Variants in GPC6 observed in about 807,000 individuals in gnomAD.
The protein encoded by GPC6 is glypican 6, also known as glypican-6.
GPC6 carries 14 observed loss-of-function variants against 55.2 expected under a neutral mutation model. The ratio of observed to expected loss-of-function variants is 0.25; its 90% CI spans 0.17 to 0.40. The LOEUF is 0.40. GPC6 is among the 10% of genes least tolerant of loss of function. GPC6 has a pLI of 1.00. For synonymous variants in GPC6, 278 were observed against 259.6 expected (o/e 1.07, Z -0.68); for missense variants, 641 against 708.5 (o/e 0.90, Z 1.08).
intron 1 of GPC6, among the ~76,000 whole-genome samples, chr13:93,331,767 C>A (rs573970047): frequency 6.6e-6 from 1 of 152,198 alleles, no homozygotes; most frequent in South Asian, 2.1e-4. Context: ...TAATGGTTAA[C>A]TGTAGTCACC....
At chr13:93,926,718 A>G (rs987566834) in intron 3 of GPC6, among the ~76,000 whole-genome samples, 3 of 152,190 alleles carry the variant, frequency 2.0e-5, no homozygotes, top group African/African-American at 7.2e-5. Context: ...GATCTGACTC[A>G]TTGAAATGAT....
At chr13:94,140,889 A>G (rs1887351166) in intron 4 of GPC6, among the ~76,000 whole-genome samples, 1 of 152,202 alleles carries the variant, frequency 6.6e-6, no homozygotes, top group South Asian at 2.1e-4. Flanking sequence ...TAACAAAGCT[A>G]GTAAAAAATC....
chr13:93,431,616 C>CA (rs1877361661), intron 1 of GPC6, among the ~76,000 whole-genome samples: 1 of 151,996 alleles, frequency 6.6e-6, no homozygotes, highest in African/African-American at 2.4e-5. Context: ...ATTCAAAACA[C>CA]ACACATCCTT....
At chr13:94,359,119 G>GA (rs1303076445) in intron 6 of GPC6, among the ~76,000 whole-genome samples, 1 of 152,046 alleles carries the variant, frequency 6.6e-6, no homozygotes, top group Non-Finnish European at 1.5e-5. Flanking sequence ...GTTATCTTTG[G>GA]AAAAAACATT....
intron 1 of GPC6, among the ~76,000 whole-genome samples, chr13:93,323,002 T>G (rs978676037): frequency 3.3e-5 from 5 of 152,028 alleles, no homozygotes; most frequent in African/African-American, 1.2e-4. Flanking sequence ...GTAACATTAC[T>G]CTACTCTGCT....
intron 4 of GPC6, among the ~76,000 whole-genome samples, chr13:94,247,442 G>C (rs1891228619): frequency 6.6e-6 from 1 of 152,088 alleles, no homozygotes; most frequent in African/African-American, 2.4e-5. Flanking sequence ...TAGAGGAAAG[G>C]CTTTCAGTTT....
At chr13:93,603,010 CTTTCT>C (rs1218601163) in intron 2 of GPC6, among the ~76,000 whole-genome samples, 1 of 136,472 alleles carries the variant, frequency 7.3e-6, no homozygotes, top group Non-Finnish European at 1.7e-5. Flanking sequence ...CTTTTTCTTT[CTTTCT>C]TTTTTTGTTT....
intron 3 of GPC6, among the ~76,000 whole-genome samples, chr13:93,951,109 T>TA (rs1879234133): frequency 6.6e-6 from 1 of 152,218 alleles, no homozygotes; most frequent in Admixed American, 6.5e-5. Flanking sequence ...AAATGTAACT[T>TA]ACATTTCTCA....
intron 3 of GPC6, among the ~76,000 whole-genome samples, chr13:93,884,315 G>A (rs1311458574): frequency 6.6e-6 from 1 of 152,016 alleles, no homozygotes; most frequent in Non-Finnish European, 1.5e-5. Flanking sequence ...TATCGTTTCT[G>A]TAGAATATGT....
intron 1 of GPC6, among the ~76,000 whole-genome samples, chr13:93,543,131 G>T (rs1882394781): frequency 6.6e-6 from 1 of 151,808 alleles, no homozygotes; most frequent in South Asian, 2.1e-4. Flanking sequence ...TCCAGTTTTA[G>T]CCCATTCCAT....
At chr13:93,493,592 C>G (rs1880124638) in intron 1 of GPC6, among the ~76,000 whole-genome samples, 1 of 136,306 alleles carries the variant, frequency 7.3e-6, no homozygotes, top group Non-Finnish European at 1.6e-5. Context: ...TCTTGCTCTT[C>G]TAGTTCTTTT....
At chr13:93,357,776 A>T (rs1418979716) in intron 1 of GPC6, among the ~76,000 whole-genome samples, 1 of 152,226 alleles carries the variant, frequency 6.6e-6, no homozygotes, top group Non-Finnish European at 1.5e-5. Flanking sequence ...TTGAGGCTAC[A>T]GTGAGCCATG....
chr13:93,306,983 G>A (rs1211066695), intron 1 of GPC6, among the ~76,000 whole-genome samples: 1 of 152,130 alleles, frequency 6.6e-6, no homozygotes, highest in African/African-American at 2.4e-5. Context: ...AATAAATGAA[G>A]CTTAGAAGAT....
At chr13:93,787,582 T>C (rs1336500700) in intron 2 of GPC6, among the ~76,000 whole-genome samples, 1 of 152,230 alleles carries the variant, frequency 6.6e-6, no homozygotes, top group African/African-American at 2.4e-5. Context: ...GATGTATATA[T>C]GTTCAGGTAC....
At chr13:93,657,380 A>C (rs1396249866) in intron 2 of GPC6, among the ~76,000 whole-genome samples, 1 of 152,036 alleles carries the variant, frequency 6.6e-6, no homozygotes, top group East Asian at 1.9e-4. Flanking sequence ...AATAATGCTG[A>C]GATAACCAGC....
At position 94,224,071 on chromosome 13, in the gene GPC6, T is replaced by C. The variant is rs150365330; in HGVS notation, c.878-62278T>C. On this transcript the variant is annotated intron_variant, in intron 4 of 8. Coordinates refer to ENST00000377047, the MANE Select transcript of GPC6 (RefSeq NM_005708.5). ...GGCACTGTTTAAAATGGTCCGTAAG[T>C]GTAGGGCTGAAGTGCTGTCTCGTGT... Among the ~76,000 whole-genome samples the C allele has an allele frequency of 3.3e-3, 504 of 152,080 alleles. 1 individual carries two copies. Among genetic ancestry groups the C allele is most frequent in the Admixed American group, 5.1e-3 (77 of 15,240 alleles).
rs114017051 is a variant in GPC6, at chr13:93,716,246, G to A, written c.320-113908G>A. Among the ~76,000 whole-genome samples, 610 of 151,620 alleles carry A rather than the reference G, an allele frequency of 4.0e-3. 1 individual carries two copies. The highest frequency in any genetic ancestry group is 5.3e-3 in the Non-Finnish European group (359 of 67,708). On this transcript the variant is annotated intron_variant, in intron 2 of 8. Transcript: ENST00000377047. The stretch of plus-strand genomic sequence containing the variant: ...TATGTTTTAATCATTATTTCAGAGC[G>A]TACACCTCCTACTTATAAAAAATAA...
At chr13:93,352,997 A>G (rs1594113222) in intron 1 of GPC6, among the ~76,000 whole-genome samples, 1 of 152,194 alleles carries the variant, frequency 6.6e-6, no homozygotes, top group Admixed American at 6.5e-5. Context: ...GTACTGGCAT[A>G]GGTAAGAGTG....
At chr13:94,120,940 CTTCAAGCATTGTCTCTGGGT>C (rs774586887) in intron 4 of GPC6, among the ~76,000 whole-genome samples, 486 of 152,196 alleles carry the variant, frequency 3.2e-3, no homozygotes, top group Non-Finnish European at 4.6e-3. Flanking sequence ...GTTCTCTGGG[CTTCAAGCATTGTCTCTGGGT>C]GATCTCTGTT....
Sources: gnomAD v4.1 joint callset for allele counts (sites outside exome capture counted in the v4.1 genomes callset) on GRCh38, gnomAD v4.1.1 for gene constraint, MANE v1.5 for transcripts, NCBI Gene and HGNC (gene_info 2026-07-23, HGNC 2026-07-21) for gene names.